Variants in CHODL observed in about 807,000 individuals in gnomAD.
CHODL encodes chondrolectin.
A neutral mutation model predicts 34.5 loss-of-function variants in CHODL; 29 were observed. The ratio of observed to expected loss-of-function variants is 0.84; its 90% CI spans 0.63 to 1.15. The LOEUF is 1.15. CHODL is among the 50% of genes most tolerant of loss of function. The probability of loss-of-function intolerance (pLI) is 0.00; values close to 1 mark genes in which losing one functional copy is unlikely to be tolerated. For synonymous variants in CHODL, 125 were observed against 116.1 expected (o/e 1.08, Z -0.49); for missense variants, 332 against 332.5 (o/e 1.00, Z 0.01).
intron 2 of CHODL, among the ~76,000 whole-genome samples, chr21:18,063,537 G>A (rs957228627): frequency 5.9e-5 from 9 of 152,084 alleles, no homozygotes; most frequent in African/African-American, 1.9e-4. Flanking sequence ...AAATAGGTGT[G>A]TTTGCAAGAA....
chr21:18,231,180 G>A (rs1332529352), intron 2 of CHODL, among the ~76,000 whole-genome samples: 2 of 152,070 alleles, frequency 1.3e-5, no homozygotes, highest in Non-Finnish European at 2.9e-5. Flanking sequence ...ACTAGTCAAT[G>A]TTATAACAAA....
chr21:18,026,118 T>C (rs1223436581), intron 1 of CHODL, among the ~76,000 whole-genome samples: 1 of 152,186 alleles, frequency 6.6e-6, no homozygotes, highest in East Asian at 1.9e-4. Context: ...TATCAGTTCC[T>C]GGGACATAAT....
At chr21:18,026,841 C>G (rs2064180939) in intron 1 of CHODL, among the ~76,000 whole-genome samples, 2 of 152,120 alleles carry the variant, frequency 1.3e-5, no homozygotes, top group Non-Finnish European at 2.9e-5. Flanking sequence ...AGTTTGTAGA[C>G]AAAGGTTAAA....
chr21:18,054,133 G>C (rs1002274841), intron 2 of CHODL, among the ~76,000 whole-genome samples: 1 of 151,614 alleles, frequency 6.6e-6, no homozygotes, highest in Non-Finnish European at 1.5e-5. Context: ...CAGTAATTCT[G>C]CTATGTTTAT....
Position 18,266,699 on chromosome 21 carries a change from C to T in CHODL, c.*661C>T, listed in dbSNP as rs1272035534. On this transcript the variant is annotated 3_prime_UTR_variant, in exon 6 of 6. Transcript: ENST00000299295. ...TCATTAAGTGTGATATAAACCTCCT[C>T]AAACATTTTACTTAGAGGCAAGGAT... 1 of 152,226 alleles carries T rather than the reference C, an allele frequency of 6.6e-6. No individual in the cohort carries two copies. The highest frequency in any genetic ancestry group is 1.9e-4 in the East Asian group (1 of 5,198). The allele number at this position is 152,226 out of a possible 1,614,324, so 9.4% of individuals were successfully genotyped here. A position where few individuals can be genotyped will look rare whatever the true frequency, so the allele number is the denominator to read the frequency against.
chr21:18,063,982 G>GT (rs2064700554), intron 2 of CHODL, among the ~76,000 whole-genome samples: 3 of 152,112 alleles, frequency 2.0e-5, no homozygotes, highest in Admixed American at 6.6e-5. Flanking sequence ...TGATGTCCCT[G>GT]TTTCCTAACC....
chr21:17,919,938 C>A (rs1372057172), intron 1 of CHODL, among the ~76,000 whole-genome samples: 2 of 152,178 alleles, frequency 1.3e-5, no homozygotes, highest in Non-Finnish European at 2.9e-5. Context: ...TGCTGCCAGC[C>A]TCTTTGCTAA....
intron 2 of CHODL, among the ~76,000 whole-genome samples, chr21:18,128,539 G>C (rs962361977): frequency 1.3e-5 from 2 of 151,908 alleles, no homozygotes; most frequent in Non-Finnish European, 2.9e-5. Flanking sequence ...AAAATCCAAA[G>C]AAAGTACAAT....
intron 1 of CHODL, among the ~76,000 whole-genome samples, chr21:17,974,691 G>T (rs1019945386): frequency 6.6e-6 from 1 of 151,950 alleles, no homozygotes; most frequent in East Asian, 1.9e-4. Context: ...TTAAAGTCTT[G>T]AAATTTGGGT....
At chr21:17,973,469 T>C (rs1206607692) in intron 1 of CHODL, among the ~76,000 whole-genome samples, 1 of 147,246 alleles carries the variant, frequency 6.8e-6, no homozygotes, top group Non-Finnish European at 1.5e-5. Flanking sequence ...CAGGCTGGAG[T>C]GCAATGGCTC....
chr21:18,146,735 CTT>C (rs2072895096), intron 2 of CHODL, among the ~76,000 whole-genome samples: 1 of 152,222 alleles, frequency 6.6e-6, no homozygotes, highest in African/African-American at 2.4e-5. Context: ...TCTCTCATCT[CTT>C]TTATTTCAAG....
intron 1 of CHODL, among the ~76,000 whole-genome samples, chr21:17,977,418 T>C (rs2063672425): frequency 6.7e-6 from 1 of 148,688 alleles, no homozygotes; most frequent in African/African-American, 2.5e-5. Context: ...CAGGCTGGAG[T>C]GCAGTGGCGT....
chr21:18,049,658 T>TGG (rs2064488661), intron 2 of CHODL, among the ~76,000 whole-genome samples: 1 of 151,978 alleles, frequency 6.6e-6, no homozygotes, highest in Non-Finnish European at 1.5e-5. Flanking sequence ...GCTGCCTCCT[T>TGG]ACTGTGTCCT....
intron 1 of CHODL, among the ~76,000 whole-genome samples, chr21:17,984,395 G>A (rs1000634077): frequency 2.0e-5 from 3 of 152,162 alleles, no homozygotes; most frequent in Non-Finnish European, 2.9e-5. Context: ...CCAGAATTGG[G>A]ATTGCGGGAT....
In CHODL at chr21:18,151,076, CTG is replaced by C. The variant is rs550385593; in HGVS notation, c.-44-105429_-44-105428del. The stretch of plus-strand genomic sequence containing the variant: ...CCAGACTGGGCGACAGAGCGAGACT[CTG>C]TGTCAAAAAAAAAAAAAAAAAAAAA... On this transcript the variant is annotated intron_variant, in intron 2 of 6. Coordinates refer to the CHODL transcript ENST00000400127. 8.0e-3 allele frequency among the ~76,000 whole-genome samples: 714 copies of C among 88,838 alleles called. 8 individuals carry two copies. The highest frequency in any genetic ancestry group is 0.031 in the African/African-American group (678 of 22,070). The allele number at this position is 88,838 out of a possible 152,430, so 58.3% of individuals were successfully genotyped here. A position where few individuals can be genotyped will look rare whatever the true frequency, so the allele number is the denominator to read the frequency against.
chr21:18,004,334 T>C (rs1399042393), intron 1 of CHODL, among the ~76,000 whole-genome samples: 2 of 152,232 alleles, frequency 1.3e-5, no homozygotes, highest in African/African-American at 2.4e-5. Context: ...CTATAAGTGG[T>C]GTCAAAGGTC....
intron 1 of CHODL, among the ~76,000 whole-genome samples, chr21:17,960,794 A>G (rs1383101617): frequency 6.6e-6 from 1 of 151,998 alleles, no homozygotes; most frequent in East Asian, 1.9e-4. Context: ...CTTGATCAAC[A>G]TTCCTCCTCA....
At chr21:18,198,976 C>T (rs955470950) in intron 2 of CHODL, among the ~76,000 whole-genome samples, 3 of 151,844 alleles carry the variant, frequency 2.0e-5, no homozygotes, top group Non-Finnish European at 4.4e-5. Context: ...CTTTTCAGTC[C>T]CTGTCTACTA....
intron 2 of CHODL, among the ~76,000 whole-genome samples, chr21:18,150,658 C>T (rs2072952862): frequency 1.3e-5 from 2 of 152,136 alleles, no homozygotes; most frequent in African/African-American, 4.8e-5. Flanking sequence ...ACCTAATTAC[C>T]TCCTATGATA....
Sources: gnomAD v4.1 joint callset for allele counts (sites outside exome capture counted in the v4.1 genomes callset) on GRCh38, gnomAD v4.1.1 for gene constraint, MANE v1.5 for transcripts, NCBI Gene and HGNC (gene_info 2026-07-23, HGNC 2026-07-21) for gene names.